The following PTPRT variants were observed in gnomAD, a reference collection of about 807,000 sequenced individuals.
PTPRT encodes the protein receptor-type tyrosine-protein phosphatase T.
In PTPRT, 56 loss-of-function variants were observed where a neutral mutation model predicts 176.8. That is an observed-to-expected ratio of 0.32 (90% CI 0.26 to 0.40). The LOEUF is 0.40. Ranked by LOEUF, PTPRT falls within the 10% of genes least tolerant of loss-of-function variation. The pLI is 1.00. For missense variants in PTPRT, 1,540 were observed against 1,908.2 expected (o/e 0.81, Z 3.60); for synonymous variants, 783 against 739.0 (o/e 1.06, Z -0.96).
chr20:42,152,308 G>A (rs6030008), intron 17 of PTPRT, among the ~76,000 whole-genome samples: 1 of 152,220 alleles, frequency 6.6e-6, no homozygotes, highest in Admixed American at 6.5e-5. Context: ...GGACAGAGAA[G>A]GCAGGAGAGG....
At position 42,248,791 on chromosome 20, in the gene PTPRT, C is replaced by T; in HGVS notation, c.2208G>A (p.Glu736=). Residue 736 remains glutamate (E), a synonymous_variant, in exon 14 of 31, where the codon GAG becomes GAA. Coordinates refer to ENST00000373187, the MANE Select transcript of PTPRT (RefSeq NM_007050.6). The stretch of plus-strand genomic sequence containing the variant: ...CGGTGTTGTCCACCTGCTTCTCTGG[C>T]TCCACAGTGTTAGAATTCTGGGTGG... The part of the protein sequence containing the change: ...GASTQNSNTV[E]PEKQVDNTVK... The T allele has an allele frequency of 6.2e-7, 1 of 1,614,068 alleles. No individual in the cohort carries two copies. Among genetic ancestry groups the T allele is most frequent in the Non-Finnish European group, 8.5e-7 (1 of 1,179,960 alleles).
intron 15 of PTPRT, among the ~76,000 whole-genome samples, chr20:42,203,358 G>C (rs1991526915): frequency 6.6e-6 from 1 of 152,154 alleles, no homozygotes; most frequent in African/African-American, 2.4e-5. Flanking sequence ...ACCCAAATCT[G>C]TGAATAGGGC....
intron 13 of PTPRT, among the ~76,000 whole-genome samples, chr20:42,259,605 T>A (rs978874707): frequency 6.6e-6 from 1 of 152,162 alleles, no homozygotes; most frequent in Non-Finnish European, 1.5e-5. Flanking sequence ...TAGAGTCAGG[T>A]ATAAGGTTGT....
chr20:42,563,073 C>A (rs2072979237), intron 7 of PTPRT, among the ~76,000 whole-genome samples: 1 of 152,004 alleles, frequency 6.6e-6, no homozygotes, highest in Non-Finnish European at 1.5e-5. Context: ...AAAAACATCT[C>A]TATATAAAAA....
chr20:42,398,911 T>A (rs1215867272), intron 9 of PTPRT, among the ~76,000 whole-genome samples: 3 of 152,332 alleles, frequency 2.0e-5, no homozygotes, highest in East Asian at 3.9e-4. Flanking sequence ...GGCTGCATGT[T>A]CCAAGATGGC....
chr20:42,884,355 C>T (rs1233043528), intron 2 of PTPRT, among the ~76,000 whole-genome samples: 1 of 152,096 alleles, frequency 6.6e-6, no homozygotes, highest in Non-Finnish European at 1.5e-5. Flanking sequence ...TAGGAGCTAT[C>T]CATAACCATC....
At chr20:42,265,231 G>T (rs1418823353) in intron 13 of PTPRT, among the ~76,000 whole-genome samples, 1 of 152,096 alleles carries the variant, frequency 6.6e-6, no homozygotes, top group Non-Finnish European at 1.5e-5. Flanking sequence ...GCTCAGAATG[G>T]GTGTTCTCTA....
intron 1 of PTPRT, among the ~76,000 whole-genome samples, chr20:43,172,689 T>G (rs1388597308): frequency 6.6e-6 from 1 of 152,162 alleles, no homozygotes; most frequent in East Asian, 1.9e-4. Flanking sequence ...GCATTTGACA[T>G]ACCTCACCTC....
intron 1 of PTPRT, among the ~76,000 whole-genome samples, chr20:42,917,370 T>C (rs1354346957): frequency 2.0e-5 from 3 of 152,206 alleles, no homozygotes; most frequent in African/African-American, 7.2e-5. Flanking sequence ...TGTAGTCTTG[T>C]AGTATAGTTT....
intron 1 of PTPRT, among the ~76,000 whole-genome samples, chr20:42,939,011 A>G (rs1404512613): frequency 6.6e-6 from 1 of 152,230 alleles, no homozygotes; most frequent in Non-Finnish European, 1.5e-5. Flanking sequence ...GAAGCCATTT[A>G]GTACTTGATC....
At chr20:42,094,655 C>T (rs987725847) in intron 27 of PTPRT, among the ~76,000 whole-genome samples, 2 of 152,142 alleles carry the variant, frequency 1.3e-5, no homozygotes, top group African/African-American at 4.8e-5. Context: ...TTTGGGAGGC[C>T]AAGATCAGCA....
intron 1 of PTPRT, among the ~76,000 whole-genome samples, chr20:43,147,113 G>A (rs1186460469): frequency 6.6e-6 from 1 of 152,112 alleles, no homozygotes; most frequent in Non-Finnish European, 1.5e-5. Context: ...CTTCTCTCCA[G>A]GTACCTCTGC....
At chr20:42,684,444 A>G (rs2075657757) in intron 6 of PTPRT, among the ~76,000 whole-genome samples, 1 of 152,196 alleles carries the variant, frequency 6.6e-6, no homozygotes, top group Non-Finnish European at 1.5e-5. Flanking sequence ...AATATTTGAT[A>G]AGTTTTCCCA....
chr20:42,810,631 T>G (rs991768851), intron 2 of PTPRT, among the ~76,000 whole-genome samples: 1 of 152,238 alleles, frequency 6.6e-6, no homozygotes, highest in African/African-American at 2.4e-5. Flanking sequence ...GTCCTTCATC[T>G]GTTCAAGTAC....
In PTPRT at chr20:42,086,753, A is replaced by AATATATATATATATATATATAT. The variant is rs1555858329; in HGVS notation, c.3847-901_3847-900insATATATATATATATATATATAT. ...AAAAAAAAAAAAAAAAAAAAAAAAA[A>AATATATATATATATATATATAT]ATATATATATATATGGGTTTGACCT... On this transcript the variant is annotated intron_variant, in intron 27 of 30. Coordinates refer to ENST00000373187, the MANE Select transcript of PTPRT (RefSeq NM_007050.6). Among the ~76,000 whole-genome samples the AATATATATATATATATATATAT allele has an allele frequency of 2.3e-3, 223 of 95,142 alleles. 1 individual carries two copies. Among genetic ancestry groups the AATATATATATATATATATATAT allele is most frequent in the South Asian group, 4.6e-3 (12 of 2,624 alleles). The allele number at this position is 95,142 out of a possible 152,430, so 62.4% of individuals were successfully genotyped here.
intron 1 of PTPRT, among the ~76,000 whole-genome samples, chr20:43,054,018 C>T (rs961755531): frequency 1.3e-5 from 2 of 152,166 alleles, no homozygotes; most frequent in African/African-American, 4.8e-5. Context: ...CGCCTAGTCT[C>T]ATAAGGGACA....
chr20:42,273,143 G>T (rs2056968149), intron 13 of PTPRT, among the ~76,000 whole-genome samples: 1 of 152,112 alleles, frequency 6.6e-6, no homozygotes, highest in African/African-American at 2.4e-5. Flanking sequence ...TACAAGCCAG[G>T]TATTATATTA....
At position 43,147,347 on chromosome 20, in the gene PTPRT, C is replaced by T. The variant is rs144367424; in HGVS notation, c.88+42299G>A. 4.4e-3 allele frequency among the ~76,000 whole-genome samples: 673 copies of T among 152,206 alleles called. 5 individuals carry two copies. Among genetic ancestry groups the T allele is most frequent in the African/African-American group, 0.015 (632 of 41,512 alleles). ...CAGTACTCCCCTCATAAAATGGACA[C>T]GAGGATAATCCTTGTTGCACAGTAG... On this transcript the variant is annotated intron_variant, in intron 1 of 30. Transcript: ENST00000373187.
intron 6 of PTPRT, among the ~76,000 whole-genome samples, chr20:42,699,267 C>T (rs190838547): frequency 2.0e-4 from 31 of 152,272 alleles, no homozygotes; most frequent in Admixed American, 1.7e-3. Context: ...CACCAAATCA[C>T]ATCTCAAGTA....
Sources: gnomAD v4.1 joint callset for allele counts (sites outside exome capture counted in the v4.1 genomes callset) on GRCh38, gnomAD v4.1.1 for gene constraint, MANE v1.5 for transcripts, NCBI Gene and HGNC (gene_info 2026-07-23, HGNC 2026-07-21) for gene names.